NRP2: variants seen among roughly 807,000 people sequenced by gnomAD.
NRP2 encodes the protein neuropilin 2.
A neutral mutation model predicts 110.4 loss-of-function variants in NRP2; 52 were observed. The observed-to-expected ratio is 0.47, with a 90% CI of 0.38 to 0.59. The LOEUF is 0.59. Among genes scored for constraint, NRP2 ranks in the 20% least tolerant of loss-of-function variants. The probability of loss-of-function intolerance (pLI) is 0.00; values close to 1 mark genes in which losing one functional copy is unlikely to be tolerated. For missense variants in NRP2, 1,049 were observed against 1,203.0 expected, an observed-to-expected ratio of 0.87 and a Z score of 1.89; for synonymous variants, 508 against 468.9, an observed-to-expected ratio of 1.08 and a Z score of -1.08.
chr2:205,685,976 C>T (rs2056149106), intron 1 of NRP2, among the ~76,000 whole-genome samples: 2 of 152,138 alleles, frequency 1.3e-5, no homozygotes, highest in Non-Finnish European at 2.9e-5. Context: ...GAAGAGCACG[C>T]GGCGTGCGGC....
intron 2 of NRP2, among the ~76,000 whole-genome samples, chr2:205,707,593 A>G (rs1456973692): frequency 1.3e-5 from 2 of 152,206 alleles, no homozygotes; most frequent in Non-Finnish European, 2.9e-5. Context: ...AAGTTTTGTT[A>G]GGGAGGCTGG....
intron 15 of NRP2, among the ~76,000 whole-genome samples, chr2:205,785,660 T>C (rs1051432337): frequency 2.0e-5 from 3 of 152,210 alleles, no homozygotes; most frequent in African/African-American, 7.2e-5. Flanking sequence ...GCCAAACATG[T>C]CTCTGGCTGC....
At chr2:205,722,904 A>C (rs1030859037) in intron 4 of NRP2, among the ~76,000 whole-genome samples, 196 bp downstream of exon 4, 3 of 152,240 alleles carry the variant, frequency 2.0e-5, no homozygotes, top group Non-Finnish European at 4.4e-5. Flanking sequence ...TCTTGGAAAT[A>C]TTTCTTTAGA....
intron 15 of NRP2, among the ~76,000 whole-genome samples, chr2:205,782,520 C>T (rs530341192): frequency 6.6e-6 from 1 of 152,278 alleles, no homozygotes; most frequent in Admixed American, 6.5e-5. Flanking sequence ...CAATCCCAGT[C>T]ACCTCCCCAG....
rs762753258 is a variant in NRP2 at position 205,743,361 on chromosome 2, G to C, written c.1450G>C (p.Gly484Arg). The C allele has an allele frequency of 5.6e-6, 9 of 1,614,078 alleles. No homozygotes were observed. Among genetic ancestry groups the C allele is most frequent in the African/African-American group, 1.3e-5 (1 of 74,928 alleles). ...CCCTCGAATCCCTCAGGCCCAGCCC[G>C]GTGAGGAGTGGCTTCAGGTAGATCT... ...WFPRIPQAQP[G>R]EEWLQVDLGT... is the part of the protein sequence containing the mutation. Residue 484 changes from glycine to arginine, a missense_variant, in exon 9 of 17, where the codon GGT becomes CGT. Gly to Arg is a moderately radical substitution (Grantham distance 125). Coordinates refer to ENST00000357785, the MANE Select transcript of NRP2 (RefSeq NM_003872.3).
chr2:205,736,283 A>G (rs2057341169), intron 7 of NRP2, among the ~76,000 whole-genome samples: 1 of 152,238 alleles, frequency 6.6e-6, no homozygotes. Flanking sequence ...CAGAGGTTGC[A>G]GTGAGCCAAG....
At position 205,794,873 on chromosome 2, in the gene NRP2, G is replaced by A. The variant is rs543002235; in HGVS notation, c.2596G>A (p.Ala866Thr). 112 of 1,614,104 alleles carry A rather than the reference G, an allele frequency of 6.9e-5. No homozygotes were observed. The highest frequency in any genetic ancestry group is 1.8e-4 in the South Asian group (16 of 91,086). Residue 866 changes from alanine to threonine, a missense_variant, in exon 17 of 17, where the codon GCC (alanine) becomes ACC (threonine). Transcript: ENST00000357785. ...GGATCCCATCCTCATCACCATCATC[G>A]CCATGAGCTCACTGGGCGTCCTCCT... ...TLDPILITII[A>T]MSSLGVLLGA...
intron 7 of NRP2, among the ~76,000 whole-genome samples, chr2:205,737,538 A>G (rs1371539143): frequency 1.3e-5 from 2 of 152,132 alleles, no homozygotes; most frequent in Non-Finnish European, 2.9e-5. Context: ...TGTTTTTCCC[A>G]CTATACCACA....
At chr2:205,782,171 C>A (rs923232292) in intron 15 of NRP2, among the ~76,000 whole-genome samples, 18 of 152,276 alleles carry the variant, frequency 1.2e-4, no homozygotes, top group African/African-American at 4.3e-4. Flanking sequence ...GACCTAGAAT[C>A]ATCTCCTCTC....
intron 15 of NRP2, among the ~76,000 whole-genome samples, chr2:205,769,800 T>C (rs1004123633): frequency 2.0e-5 from 3 of 152,120 alleles, no homozygotes; most frequent in Non-Finnish European, 2.9e-5. Flanking sequence ...ATTTGAGCTT[T>C]AACAAATGAA....
chr2:205,684,151 C>T (rs1180537653), intron 1 of NRP2, among the ~76,000 whole-genome samples: 1 of 152,174 alleles, frequency 6.6e-6, no homozygotes, highest in East Asian at 1.9e-4. Context: ...GGACAGGCTG[C>T]TGTGGAGATA....
At chr2:205,755,761 CCA>C (rs1559350787) in intron 12 of NRP2, among the ~76,000 whole-genome samples, 2 of 152,136 alleles carry the variant, frequency 1.3e-5, no homozygotes, top group Non-Finnish European at 2.9e-5. Flanking sequence ...ACTTTGCCAT[CCA>C]CAGAGGGGAC....
chr2:205,683,378 G>T lies in NRP2; in HGVS notation c.73+15G>T, dbSNP rs753459909. The T allele has an allele frequency of 2.5e-6, 4 of 1,600,280 alleles. No homozygotes were observed. In the Admixed American group the frequency reaches 5.0e-5, roughly 20 times the overall value. On this transcript the variant is annotated intron_variant, in intron 1 of 16. Transcript: ENST00000357785. ...AGGCCAACCAGGTAAGCCACTGAAA[G>T]TTTTTCTATTTATTGCAACATGGTT...
At chr2:205,770,325 A>T (rs1167194179) in intron 15 of NRP2, among the ~76,000 whole-genome samples, 1 of 152,164 alleles carries the variant, frequency 6.6e-6, no homozygotes, top group African/African-American at 2.4e-5. Flanking sequence ...AGACAAAACC[A>T]GGAGAAAGTG....
intron 12 of NRP2, chr2:205,761,286 T>A (rs955592716): frequency 6.6e-6 from 1 of 152,216 alleles, no homozygotes; most frequent in Non-Finnish European, 1.5e-5. Flanking sequence ...GAGTGGCATA[T>A]ATATAGCACT....
At chr2:205,794,172 G>T (rs549587958) in intron 16 of NRP2, among the ~76,000 whole-genome samples, 2 of 152,098 alleles carry the variant, frequency 1.3e-5, no homozygotes, top group African/African-American at 2.4e-5. Context: ...GTGCAGTGGC[G>T]CAATCTCGGC....
intron 1 of NRP2, among the ~76,000 whole-genome samples, chr2:205,691,777 C>T (rs1053263019): frequency 6.6e-6 from 1 of 152,138 alleles, no homozygotes; most frequent in African/African-American, 2.4e-5. Context: ...AAAGAGAGGA[C>T]ATAAATATAA....
chr2:205,733,118 T>G (rs1340683149), intron 7 of NRP2, among the ~76,000 whole-genome samples: 1 of 152,142 alleles, frequency 6.6e-6, no homozygotes, highest in East Asian at 1.9e-4. Flanking sequence ...ATTAAGTTTG[T>G]CCCTTATCCA....
Position 205,749,798 on chromosome 2 carries a change from A to G in NRP2, c.1860A>G (p.Glu620=), listed in dbSNP as rs1377854508. 4 of 1,614,016 alleles carry G rather than the reference A, an allele frequency of 2.5e-6. No individual in the cohort carries two copies. The highest frequency in any genetic ancestry group is 3.4e-6 in the Non-Finnish European group (4 of 1,180,004). The change falls in exon 11 of 17, where the codon GAA becomes GAG. Residue 620 remains glutamate, a synonymous_variant. Transcript: ENST00000357785. ...SEETTTPYPT[E]EEATECGENC... ...AGACAACCACCCCCTACCCCACCGA[A>G]GAGGAGGCCACAGAGTGTGGGGAGA...
Sources: gnomAD v4.1 joint callset for allele counts (sites outside exome capture counted in the v4.1 genomes callset) on GRCh38, gnomAD v4.1.1 for gene constraint, MANE v1.5 for transcripts, NCBI Gene and HGNC (gene_info 2026-07-23, HGNC 2026-07-21) for gene names.